SNTG1: variants seen among roughly 807,000 people sequenced by gnomAD.
SNTG1 encodes gamma-1-syntrophin.
In SNTG1, 39 loss-of-function variants were observed where a neutral mutation model predicts 74.7. That is an observed-to-expected ratio of 0.52 (90% CI 0.40 to 0.68). The LOEUF (loss-of-function observed/expected upper bound fraction) is 0.68, where lower values mean the gene tolerates loss of function less well. Among genes scored for constraint, SNTG1 ranks in the 30% least tolerant of loss-of-function variants. The pLI is 0.00. For missense variants in SNTG1, 685 were observed against 609.5 expected (o/e 1.12, Z -1.30); for synonymous variants, 254 against 217.1 (o/e 1.17, Z -1.49).
At chr8:50,533,505 G>T (rs953060942) in intron 10 of SNTG1, among the ~76,000 whole-genome samples, 3 of 152,048 alleles carry the variant, frequency 2.0e-5, no homozygotes, top group African/African-American at 2.4e-5. Context: ...AAATAGTCAT[G>T]GTTCTCAAAA....
intron 1 of SNTG1, among the ~76,000 whole-genome samples, chr8:49,977,358 C>T (rs926162717): frequency 1.3e-5 from 2 of 151,536 alleles, no homozygotes; most frequent in Admixed American, 6.6e-5. Context: ...CCATTTTGAA[C>T]GCAGTGCTTT....
chr8:50,239,891 T>C lies in SNTG1; in HGVS notation c.-28+67256T>C, dbSNP rs900273032. On this transcript the variant is annotated intron_variant, in intron 2 of 18. Coordinates refer to ENST00000642720, the MANE Select transcript of SNTG1 (RefSeq NM_018967.5). ...TTTCCAGACCTCGGTCTCAATTTGA[T>C]AGTATGCTCAACAGTTAGAACAGCA... 5.9e-5 allele frequency among the ~76,000 whole-genome samples: 9 copies of C among 152,186 alleles called. 1 individual carries two copies. The highest frequency in any genetic ancestry group is 1.3e-4 in the Admixed American group (2 of 15,280).
chr8:50,506,557 AT>A (rs2094008269), intron 9 of SNTG1, among the ~76,000 whole-genome samples: 1 of 151,952 alleles, frequency 6.6e-6, no homozygotes, highest in African/African-American at 2.4e-5. Flanking sequence ...AGTCTTTAAA[AT>A]TTTGGGTGAG....
intron 1 of SNTG1, among the ~76,000 whole-genome samples, chr8:50,039,451 T>A (rs1818439964): frequency 1.5e-5 from 1 of 66,344 alleles, no homozygotes; most frequent in African/African-American, 7.2e-5. Context: ...CAAGACTCCG[T>A]CTCAAAAAAA....
chr8:50,108,050 G>GATA (rs2080447188), intron 1 of SNTG1, among the ~76,000 whole-genome samples: 2 of 152,106 alleles, frequency 1.3e-5, no homozygotes, highest in Non-Finnish European at 1.5e-5. Context: ...TACCTGTGTA[G>GATA]GTCTTTTGCT....
intron 1 of SNTG1, among the ~76,000 whole-genome samples, chr8:50,017,903 G>A (rs957827548): frequency 6.6e-6 from 1 of 151,882 alleles, no homozygotes; most frequent in Non-Finnish European, 1.5e-5. Context: ...ACAACACTAT[G>A]AAAAAAGGTC....
chr8:50,216,976 G>C (rs976414966), intron 2 of SNTG1, among the ~76,000 whole-genome samples: 1 of 151,502 alleles, frequency 6.6e-6, no homozygotes. Context: ...TATTGAGTTT[G>C]GGAGAAAAGC....
intron 1 of SNTG1, among the ~76,000 whole-genome samples, chr8:50,143,098 T>TA (rs1256331944): frequency 6.6e-6 from 1 of 151,508 alleles, no homozygotes; most frequent in African/African-American, 2.4e-5. Context: ...AATAAATAAA[T>TA]AAAAATAAAA....
intron 2 of SNTG1, among the ~76,000 whole-genome samples, chr8:50,261,836 A>C (rs953455545): frequency 2.0e-5 from 3 of 152,162 alleles, no homozygotes; most frequent in Non-Finnish European, 1.5e-5. Context: ...TTAAAACCAT[A>C]GAAGGCTGAA....
intron 11 of SNTG1, among the ~76,000 whole-genome samples, chr8:50,547,170 C>T (rs1201492240): frequency 6.6e-6 from 1 of 152,092 alleles, no homozygotes; most frequent in African/African-American, 2.4e-5. Flanking sequence ...TTTCATCATC[C>T]TGATGTTACA....
chr8:50,108,505 A>G (rs1198469536), intron 1 of SNTG1, among the ~76,000 whole-genome samples: 1 of 152,078 alleles, frequency 6.6e-6, no homozygotes, highest in Admixed American at 6.5e-5. Context: ...TTTCAATGCT[A>G]TAAAGATGAT....
chr8:50,531,225 C>T (rs1041124447), intron 10 of SNTG1, among the ~76,000 whole-genome samples: 4 of 151,984 alleles, frequency 2.6e-5, no homozygotes, highest in Non-Finnish European at 4.4e-5. Flanking sequence ...TTTTTTCCTT[C>T]GTAAAAAGAA....
At chr8:50,455,528 T>C (rs536273094) in intron 8 of SNTG1, among the ~76,000 whole-genome samples, 1 of 152,302 alleles carries the variant, frequency 6.6e-6, no homozygotes, top group African/African-American at 2.4e-5. Flanking sequence ...AAATGACACC[T>C]TCATACAGTG....
intron 4 of SNTG1, among the ~76,000 whole-genome samples, chr8:50,413,198 T>A (rs2092971330): frequency 6.6e-6 from 1 of 152,174 alleles, no homozygotes; most frequent in Non-Finnish European, 1.5e-5. Context: ...TTCAAGAGGG[T>A]TATGATCAAT....
At chr8:50,148,968 C>T (rs1210658494) in intron 1 of SNTG1, among the ~76,000 whole-genome samples, 1 of 152,134 alleles carries the variant, frequency 6.6e-6, no homozygotes, top group Non-Finnish European at 1.5e-5. Flanking sequence ...CCTGAGGAAT[C>T]GCCACACCAA....
At chr8:50,779,878 T>C (rs1283739499) in intron 18 of SNTG1, among the ~76,000 whole-genome samples, 4 of 151,028 alleles carry the variant, frequency 2.6e-5, no homozygotes, top group Non-Finnish European at 5.9e-5. Context: ...ATATGTCCCA[T>C]CAATACCTAA....
At chr8:50,696,546 G>C (rs1431554309) in intron 15 of SNTG1, among the ~76,000 whole-genome samples, 1 of 151,932 alleles carries the variant, frequency 6.6e-6, no homozygotes, top group Admixed American at 6.6e-5. Context: ...ACATCCCTAG[G>C]TTTTCTTCTA....
chr8:50,077,617 A>G (rs575696736), intron 1 of SNTG1, among the ~76,000 whole-genome samples: 21 of 152,290 alleles, frequency 1.4e-4, no homozygotes, highest in Admixed American at 1.3e-3. Context: ...GCAACAGATA[A>G]GTTGTAATTT....
intron 15 of SNTG1, among the ~76,000 whole-genome samples, chr8:50,659,596 G>A (rs966613635): frequency 6.6e-6 from 1 of 152,226 alleles, no homozygotes; most frequent in African/African-American, 2.4e-5. Context: ...AGAGAACTTT[G>A]GATTAAAGCT....
Sources: allele counts gnomAD v4.1 joint callset (sites outside exome capture counted in the v4.1 genomes callset), GRCh38; gene constraint gnomAD v4.1.1; transcripts MANE v1.5; gene names NCBI Gene and HGNC (gene_info 2026-07-23, HGNC 2026-07-21).